ADAMTS16: variants seen among roughly 807,000 people sequenced by gnomAD.
The protein encoded by ADAMTS16 is A disintegrin and metalloproteinase with thrombospondin motifs 16.
ADAMTS16 carries 94 observed loss-of-function variants against 145.8 expected under a neutral mutation model. The ratio of observed to expected loss-of-function variants is 0.64; its 90% CI spans 0.55 to 0.77. The LOEUF is 0.77. Among genes scored for constraint, ADAMTS16 ranks in the 30% least tolerant of loss-of-function variants. ADAMTS16 has a pLI of 0.00. For synonymous variants in ADAMTS16, 659 were observed against 604.3 expected, an observed-to-expected ratio of 1.09 and a Z score of -1.33; for missense variants, 1,585 against 1,591.5, an observed-to-expected ratio of 1.00 and a Z score of 0.07.
At position 5,187,709 on chromosome 5, in the gene ADAMTS16, T is replaced by A; in HGVS notation, c.964-16T>A. ...TGCCATTTATGGGGCTGACATGGATTTCCTGTCTTTTTCAGGTATCTGCTT... is the reference window on the plus strand; with the variant it reads ...TGCCATTTATGGGGCTGACATGGATATCCTGTCTTTTTCAGGTATCTGCTT... On this transcript the variant is annotated splice_polypyrimidine_tract_variant and intron_variant, in intron 5 of 22. Transcript: ENST00000274181. 1.3e-6 allele frequency: 2 copies of A among 1,589,482 alleles called. No homozygotes were observed. The highest frequency in any genetic ancestry group is 1.1e-5 in the South Asian group (1 of 90,110).
In ADAMTS16 at chr5:5,182,245, A is replaced by C. The variant is rs758490549; in HGVS notation, c.703A>C (p.Ser235Arg). 123 of 1,613,902 alleles carry C rather than the reference A, an allele frequency of 7.6e-5. No homozygotes were observed. Among genetic ancestry groups the C allele is most frequent in the Non-Finnish European group, 9.8e-5 (116 of 1,179,908 alleles). The change falls in exon 4 of 23, where the codon AGC (serine) becomes CGC (arginine). Residue 235 changes from serine (S) to arginine (R), a missense_variant. Coordinates refer to ENST00000274181, the MANE Select transcript of ADAMTS16 (RefSeq NM_139056.4). ...TWELAHQPLH[S>R]SDLRLGLPQK... Reference sequence around the variant, plus strand: ...GGAGCTGGCACATCAACCCCTGCACAGCAGCGACCTTCGCCTGGGACTGCC... The same window carrying C: ...GGAGCTGGCACATCAACCCCTGCACCGCAGCGACCTTCGCCTGGGACTGCC...
chr5:5,311,733 T>G (rs1353688103), intron 21 of ADAMTS16, among the ~76,000 whole-genome samples: 2 of 151,166 alleles, frequency 1.3e-5, no homozygotes, highest in African/African-American at 4.9e-5. Flanking sequence ...TTGTTTTTTT[T>G]GGTTGTTTTT....
At position 5,278,173 on chromosome 5, in the gene ADAMTS16, T is replaced by A. The variant is rs77719616; in HGVS notation, c.2789+15390T>A. Among the ~76,000 whole-genome samples, 429 of 152,294 alleles carry A rather than the reference T, an allele frequency of 2.8e-3. 3 individuals carry two copies. Among genetic ancestry groups the A allele is most frequent in the African/African-American group, 1.0e-2 (415 of 41,552 alleles). On this transcript the variant is annotated intron_variant, in intron 18 of 22. Transcript: ENST00000274181. ...GTACTTTAAAGCCATCTATGAGAAG[T>A]CACAGCTCCCTGCCCCAGCCACTCA...
intron 18 of ADAMTS16, among the ~76,000 whole-genome samples, chr5:5,277,373 G>A (rs1441635194): frequency 6.6e-6 from 1 of 152,194 alleles, no homozygotes; most frequent in Non-Finnish European, 1.5e-5. Context: ...TACATGGTTT[G>A]GAAATGGCCC....
chr5:5,155,018 T>G (rs1291566994), intron 3 of ADAMTS16, among the ~76,000 whole-genome samples: 1 of 152,180 alleles, frequency 6.6e-6, no homozygotes, highest in East Asian at 1.9e-4. Flanking sequence ...AAGAGAGTGC[T>G]TGCTCAAGCA....
intron 11 of ADAMTS16, 97 bp downstream of exon 11, chr5:5,222,981 A>T: frequency 2.9e-6 from 3 of 1,035,974 alleles, no homozygotes; most frequent in Non-Finnish European, 4.5e-6. Flanking sequence ...TAAAACATGT[A>T]TTTCTCATAT....
intron 17 of ADAMTS16, among the ~76,000 whole-genome samples, chr5:5,252,525 G>T (rs1261936774): frequency 6.6e-6 from 1 of 152,082 alleles, no homozygotes; most frequent in Non-Finnish European, 1.5e-5. Context: ...CTTCCCTGGA[G>T]AACTCCCAGG....
At chr5:5,183,122 C>T (rs1735387708) in intron 4 of ADAMTS16, among the ~76,000 whole-genome samples, 1 of 152,294 alleles carries the variant, frequency 6.6e-6, no homozygotes, top group East Asian at 1.9e-4. Context: ...CTTGTTAAAC[C>T]ATCAGTGCCT....
At chr5:5,266,490 G>T (rs1354241124) in intron 18 of ADAMTS16, among the ~76,000 whole-genome samples, 1 of 152,232 alleles carries the variant, frequency 6.6e-6, no homozygotes, top group Non-Finnish European at 1.5e-5. Flanking sequence ...CGCATGGGGA[G>T]AATGCTGGCA....
chr5:5,173,826 C>A (rs1430460593), intron 3 of ADAMTS16, among the ~76,000 whole-genome samples: 4 of 152,124 alleles, frequency 2.6e-5, no homozygotes, highest in Non-Finnish European at 4.4e-5. Context: ...AAAGAGAAAA[C>A]TAATAAAAAT....
At position 5,310,361 on chromosome 5, in the gene ADAMTS16, C is replaced by T. The variant is rs1246776634; in HGVS notation, c.3411+3633C>T. On this transcript the variant is annotated intron_variant, in intron 21 of 22. Transcript: ENST00000274181. The surrounding 1 kb of genome is among the most constrained non-coding windows in gnomAD (Gnocchi z 4.3). ...TCATCTCTCCTCTGGAGAGGGACCC[C>T]ACACTGTGTCTCATTGGCAGCGTCC... Among the ~76,000 whole-genome samples the T allele has an allele frequency of 2.6e-5, 4 of 152,168 alleles. No individual in the cohort carries two copies. Among genetic ancestry groups the T allele is most frequent in the African/African-American group, 9.7e-5 (4 of 41,444 alleles).
intron 17 of ADAMTS16, among the ~76,000 whole-genome samples, chr5:5,255,950 G>C (rs535803353): frequency 6.6e-6 from 1 of 152,172 alleles, no homozygotes; most frequent in South Asian, 2.1e-4. Flanking sequence ...ATTGTCCTCT[G>C]AATACTGCTT....
intron 9 of ADAMTS16, among the ~76,000 whole-genome samples, chr5:5,204,798 T>A (rs1489845241): frequency 6.6e-6 from 1 of 152,174 alleles, no homozygotes; most frequent in Non-Finnish European, 1.5e-5. Context: ...ATTTTCAGAG[T>A]CATAAATGTA....
chr5:5,305,989 C>A (rs1026167213), intron 20 of ADAMTS16, among the ~76,000 whole-genome samples: 12 of 152,220 alleles, frequency 7.9e-5, no homozygotes, highest in African/African-American at 2.7e-4. Context: ...AAGCTTAGAG[C>A]CTGCCTTAGT....
chr5:5,195,188 C>T (rs938012813), intron 8 of ADAMTS16, among the ~76,000 whole-genome samples: 1 of 152,150 alleles, frequency 6.6e-6, no homozygotes, highest in African/African-American at 2.4e-5. Flanking sequence ...TATGTGTTCT[C>T]CTGTAGTACA....
chr5:5,311,743 T>G (rs1304351751), intron 21 of ADAMTS16, among the ~76,000 whole-genome samples: 1 of 151,726 alleles, frequency 6.6e-6, no homozygotes, highest in Admixed American at 6.6e-5. Flanking sequence ...TGGTTGTTTT[T>G]TTTTTGAGAT....
intron 18 of ADAMTS16, among the ~76,000 whole-genome samples, chr5:5,280,054 T>G (rs549459876): frequency 2.9e-4 from 44 of 152,212 alleles, no homozygotes; most frequent in African/African-American, 9.9e-4. Flanking sequence ...CTGTAGAGTA[T>G]TTTTCCTCCA....
chr5:5,312,146 G>A (rs1366543906), intron 21 of ADAMTS16, among the ~76,000 whole-genome samples: 1 of 152,192 alleles, frequency 6.6e-6, no homozygotes, highest in African/African-American at 2.4e-5. Flanking sequence ...GAAGCAGCTT[G>A]TAAAGAGCTC....
chr5:5,212,941 C>T (rs146829369), intron 10 of ADAMTS16, among the ~76,000 whole-genome samples: 1 of 151,964 alleles, frequency 6.6e-6, no homozygotes, highest in Non-Finnish European at 1.5e-5. Flanking sequence ...TTTAACTGTA[C>T]TTCCTTATGT....
Sources: gnomAD v4.1 joint callset for allele counts (sites outside exome capture counted in the v4.1 genomes callset) on GRCh38, gnomAD v4.1.1 for gene constraint, Gnocchi (gnomAD v3.1) non-coding constraint, MANE v1.5 for transcripts, NCBI Gene and HGNC (gene_info 2026-07-23, HGNC 2026-07-21) for gene names.